Variants in PLCD1 observed in about 807,000 individuals in gnomAD.
PLCD1 encodes 1-phosphatidylinositol 4,5-bisphosphate phosphodiesterase delta-1.
PLCD1 carries 71 observed loss-of-function variants against 87.4 expected under a neutral mutation model. That is an observed-to-expected ratio of 0.81 (90% confidence interval 0.67 to 0.99). The LOEUF (loss-of-function observed/expected upper bound fraction) is 0.99. Among genes scored for constraint, PLCD1 ranks in the 50% least tolerant of loss-of-function variants. The probability of loss-of-function intolerance (pLI) is 0.00; values close to 1 mark genes in which losing one functional copy is unlikely to be tolerated. For missense variants in PLCD1, 867 were observed against 1,001.5 expected (o/e 0.87, Z 1.81); for synonymous variants, 348 against 399.2 (o/e 0.87, Z 1.53).
chr3:38,010,622 C>T, intron 5 of PLCD1, 60 bp from the exon 6 acceptor site: 1 of 1,432,220 alleles, frequency 7.0e-7, no homozygotes, highest in Non-Finnish European at 9.6e-7. Context: ...TCCTGGCTGC[C>T]CACCCATCTG....
chr3:38,015,965 G>A (rs1042150515), intron 3 of PLCD1, among the ~76,000 whole-genome samples: 1 of 152,226 alleles, frequency 6.6e-6, no homozygotes, highest in Non-Finnish European at 1.5e-5. Flanking sequence ...GTATCAGGGA[G>A]CAGCAGAGCT....
At chr3:38,022,569 G>A (rs1304051443) in intron 1 of PLCD1, among the ~76,000 whole-genome samples, 2 of 152,198 alleles carry the variant, frequency 1.3e-5, no homozygotes, top group Non-Finnish European at 2.9e-5. Context: ...ACACCATGAA[G>A]AGATGACATG....
chr3:38,011,428 C>G lies in PLCD1; in HGVS notation c.576G>C (p.Gln192His). 1 of 1,614,100 alleles carries G rather than the reference C, an allele frequency of 6.2e-7. No homozygotes were observed. Among genetic ancestry groups the G allele is most frequent in the Non-Finnish European group, 8.5e-7 (1 of 1,179,944 alleles). Residue 192 changes from glutamine to histidine, a missense_variant, in exon 5 of 15, where the codon CAG becomes CAC. Physicochemically the swap from Gln to His is conservative, Grantham distance 24. Coordinates refer to ENST00000334661, the MANE Select transcript of PLCD1 (RefSeq NM_006225.4). ...TCTCCTCGTCCTCCAGGGAGTCTGT[C>G]TGGGAGTGGTCACACTCCTGCAGAG... The part of the protein sequence containing the change: ...RKIFRECDHS[Q>H]TDSLEDEEIE...
intron 3 of PLCD1, among the ~76,000 whole-genome samples, chr3:38,015,473 T>C (rs188427186): frequency 3.3e-5 from 5 of 152,336 alleles, no homozygotes; most frequent in Admixed American, 2.6e-4. Context: ...AGTGTTTCTT[T>C]CTGGGGTGAT....
rs150106099 is a variant in PLCD1 at position 38,010,497 on chromosome 3, C to T, written c.856G>A (p.Ala286Thr). 1.6e-4 allele frequency: 252 copies of T among 1,613,912 alleles called. No individual in the cohort carries two copies. The highest frequency in any genetic ancestry group is 4.3e-4 in the Admixed American group (26 of 60,026). ...ACACGGCGGTGTGCCAGGCTGAAGG[C>T]GCTGCCGTCAGCCGACAGTAAGTAC... ...LMYLLSADGSAFSLAHRRVYQ... is the reference protein window; with the variant it reads ...LMYLLSADGSTFSLAHRRVYQ... The change falls in exon 6 of 15, where the codon GCC becomes ACC. Residue 286 changes from alanine to threonine, a missense_variant. Physicochemically the swap from Ala to Thr is moderately conservative, Grantham distance 58. Transcript: ENST00000334661.
In PLCD1 at chr3:38,009,707, C is replaced by CTCG; in HGVS notation, c.1389_1391dup (p.Asp463dup). ...CTGCCTCATCCTCCATCTCAGCAGC[C>CTCG]TCGTCTTCGTCTGACACCACAGTGG... On this transcript the variant is annotated inframe_insertion, in exon 9 of 15. Coordinates refer to ENST00000334661, the MANE Select transcript of PLCD1 (RefSeq NM_006225.4). 7 of 1,614,192 alleles carry CTCG rather than the reference C, an allele frequency of 4.3e-6. No homozygotes were observed. Among genetic ancestry groups the CTCG allele is most frequent in the Non-Finnish European group, 5.9e-6 (7 of 1,180,022 alleles).
chr3:38,007,955 C>G, intron 14 of PLCD1, 59 bp downstream of exon 14: 1 of 1,611,538 alleles, frequency 6.2e-7, no homozygotes, highest in Non-Finnish European at 8.5e-7. Flanking sequence ...AGCCCCAGCC[C>G]AAGAGACGCC....
At chr3:38,024,679 TAGTCCACG>T (rs1559378604) in intron 1 of PLCD1, 2 of 1,503,578 alleles carry the variant, frequency 1.3e-6, no homozygotes. Context: ...GAGGCGGAGC[TAGTCCACG>T]AGCGGCGGGA....
rs1197102185 is a variant in PLCD1 at position 38,018,900 on chromosome 3, C to T, written c.199+1288G>A. On this transcript the variant is annotated intron_variant, in intron 2 of 14. Transcript: ENST00000334661. This position sits in a 1 kb window ranked among gnomAD's most constrained non-coding sequence, Gnocchi z 5.7. The stretch of plus-strand genomic sequence containing the variant: ...CTCAGACCCTGCCCTGCCCAGAAAT[C>T]TTCCATGGCTCACAGCCCCAAGGAC... 1 of 152,490 alleles carries T rather than the reference C, an allele frequency of 6.6e-6. No homozygotes were observed. The highest frequency in any genetic ancestry group is 2.4e-5 in the African/African-American group (1 of 41,456). The allele number at this position is 152,490 out of a possible 1,614,324, so 9.4% of individuals were successfully genotyped here.
rs1159381581 is a variant in PLCD1, at chr3:38,007,568, A to T, written c.*205T>A. ...GGAGGGTGGAGAGGGCTGCAGTGTT[A>T]TTCCTAACGGAATGAAGGACAGCTC... On this transcript the variant is annotated 3_prime_UTR_variant, in exon 15 of 15. Coordinates refer to ENST00000334661, the MANE Select transcript of PLCD1 (RefSeq NM_006225.4). The T allele has an allele frequency of 5.7e-6, 4 of 697,904 alleles. No homozygotes were observed. In the East Asian group the frequency reaches 1.1e-4, roughly 19 times the overall value. The allele number at this position is 697,904 out of a possible 1,614,324, so 43.2% of individuals were successfully genotyped here.
rs1382432668 is a variant in PLCD1 at position 38,008,458 on chromosome 3, C to T, written c.1902G>A (p.Arg634=). The T allele has an allele frequency of 6.2e-7, 1 of 1,614,180 alleles. No homozygotes were observed. Residue 634 remains arginine, a splice_region_variant and synonymous_variant, in exon 12 of 15, where the codon AGG becomes AGA. Transcript: ENST00000334661. ...PWWARKRLNI[R]VISGQQLPKV... ...CCTGTCCCTCCTAGGTCCAGCGTAC[C>T]CTGATGTTGAGCCGCTTCCGTGCCC...
rs1422406053 is a variant in PLCD1, at chr3:38,007,557, G to A, written c.*216C>T. 1.6e-5 allele frequency: 11 copies of A among 693,226 alleles called. No individual in the cohort carries two copies. Among genetic ancestry groups the A allele is most frequent in the Admixed American group, 2.0e-5 (1 of 49,818 alleles). The allele number at this position is 693,226 out of a possible 1,614,324, so 42.9% of individuals were successfully genotyped here. Reference sequence around the variant, plus strand: ...ACTCGCTGGCCGGAGGGTGGAGAGGGCTGCAGTGTTATTCCTAACGGAATG... The same window carrying A: ...ACTCGCTGGCCGGAGGGTGGAGAGGACTGCAGTGTTATTCCTAACGGAATG... On this transcript the variant is annotated 3_prime_UTR_variant, in exon 15 of 15. Coordinates refer to ENST00000334661, the MANE Select transcript of PLCD1 (RefSeq NM_006225.4).
At chr3:38,028,016 G>A (rs1280394314) in intron 1 of PLCD1, among the ~76,000 whole-genome samples, 4 of 152,222 alleles carry the variant, frequency 2.6e-5, no homozygotes, top group Non-Finnish European at 4.4e-5. Context: ...CCACAGGACT[G>A]GGAGGTCCTG....
Position 38,009,112 on chromosome 3 carries a change from G to A in PLCD1, c.1653C>T (p.Tyr551=). 2 of 1,614,146 alleles carry A rather than the reference G, an allele frequency of 1.2e-6. No individual in the cohort carries two copies. The highest frequency in any genetic ancestry group is 8.5e-7 in the Non-Finnish European group (1 of 1,180,018). Residue 551 remains tyrosine, a synonymous_variant, in exon 11 of 15, where the codon TAC becomes TAT. Coordinates refer to ENST00000334661, the MANE Select transcript of PLCD1 (RefSeq NM_006225.4). ...RHNVGHLSRI[Y]PAGWRTDSSN... is the part of the protein sequence containing the mutation. ...AGGAGTCTGTTCTCCATCCAGCCGG[G>A]TAGATTCTGCTCAGGTGCCCCACGT...
chr3:38,012,756 A>G (rs1182235707), intron 3 of PLCD1, among the ~76,000 whole-genome samples: 1 of 152,044 alleles, frequency 6.6e-6, no homozygotes, highest in Non-Finnish European at 1.5e-5. Context: ...ACCTCAAGTG[A>G]TCCACCCGCC....
rs1180240964 is a variant in PLCD1 at position 38,009,783 on chromosome 3, C to G, written c.1316G>C (p.Gly439Ala). The change falls in exon 9 of 15, where the codon GGG (glycine) becomes GCG (alanine). Residue 439 changes from glycine to alanine, a missense_variant. Transcript: ENST00000334661. ...EQLKGKILLKGKKLGGLLPPG... is the reference protein window; with the variant it reads ...EQLKGKILLKAKKLGGLLPPG... ...GGGCAGGAGCCCCCCGAGCTTCTTC[C>G]CCTTCAGCAGGATCTTCCCCTTCAG... 2 of 1,614,046 alleles carry G rather than the reference C, an allele frequency of 1.2e-6. No individual in the cohort carries two copies. Among genetic ancestry groups the G allele is most frequent in the South Asian group, 2.2e-5 (2 of 91,088 alleles).
chr3:38,012,144 C>T (rs1428597466), intron 3 of PLCD1, among the ~76,000 whole-genome samples: 2 of 148,866 alleles, frequency 1.3e-5, no homozygotes, highest in Middle Eastern at 3.6e-3. Context: ...CCTCCCACTA[C>T]AGGTGTGCAC....
chr3:38,013,954 T>C (rs1051556683), intron 3 of PLCD1, among the ~76,000 whole-genome samples: 2 of 152,068 alleles, frequency 1.3e-5, no homozygotes, highest in African/African-American at 2.4e-5. Flanking sequence ...AATTTGAAAG[T>C]GAAATTAAGA....
In PLCD1 at chr3:38,009,800, C is replaced by T. The variant is rs1575346827; in HGVS notation, c.1299G>A (p.Gly433=). 5 of 1,613,988 alleles carry T rather than the reference C, an allele frequency of 3.1e-6. No homozygotes were observed. In the East Asian group the frequency reaches 1.1e-4, roughly 36 times the overall value. The change falls in exon 9 of 15, where the codon GGG becomes GGA. Residue 433 remains glycine, a synonymous_variant. Transcript: ENST00000334661. ...GCTTCTTCCCCTTCAGCAGGATCTT[C>T]CCCTTCAGTTGCTAGGTGGGGAGGG... ...NSLPSPEQLK[G]KILLKGKKLG...
Sources: allele counts gnomAD v4.1 joint callset (sites outside exome capture counted in the v4.1 genomes callset), GRCh38; gene constraint gnomAD v4.1.1; non-coding constraint Gnocchi (gnomAD v3.1); transcripts MANE v1.5; gene names NCBI Gene and HGNC (gene_info 2026-07-23, HGNC 2026-07-21).